Variants in SNAP25 observed in about 807,000 individuals in gnomAD.
The protein encoded by SNAP25 is synaptosomal-associated protein 25.
A neutral mutation model predicts 28.7 loss-of-function variants in SNAP25; 3 were observed. The observed-to-expected ratio is 0.10, with a 90% CI of 0.05 to 0.27. The LOEUF is 0.27. SNAP25 is among the 10% of genes least tolerant of loss of function. The pLI, the probability that SNAP25 is intolerant of heterozygous loss-of-function variation, is 1.00. For synonymous variants in SNAP25, 61 were observed against 88.1 expected (o/e 0.69, Z 1.72); for missense variants, 117 against 278.7 (o/e 0.42, Z 4.13).
chr20:10,274,851 A>T (rs555994022), intron 1 of SNAP25, among the ~76,000 whole-genome samples: 135 of 150,764 alleles, frequency 9.0e-4, no homozygotes, highest in African/African-American at 3.2e-3. Context: ...TCAAAAAAAT[A>T]AAAAAAAGAA....
At chr20:10,269,913 A>G (rs2063563112) in intron 1 of SNAP25, among the ~76,000 whole-genome samples, 1 of 152,214 alleles carries the variant, frequency 6.6e-6, no homozygotes, top group South Asian at 2.1e-4. Context: ...AACTTCCCGA[A>G]AGCCCCTGGT....
At chr20:10,269,982 G>A (rs531809397) in intron 1 of SNAP25, among the ~76,000 whole-genome samples, 93 of 152,288 alleles carry the variant, frequency 6.1e-4, no homozygotes, top group African/African-American at 2.2e-3. Flanking sequence ...AGCCCGGCAC[G>A]GTGGCTTACG....
Position 10,293,017 on chromosome 20 carries a change from G to T in SNAP25, c.164-144G>T. The T allele has an allele frequency of 6.6e-7, 1 of 1,512,314 alleles. No individual in the cohort carries two copies. The allele number at this position is 1,512,314 out of a possible 1,614,324, so 93.7% of individuals were successfully genotyped here. A position where few individuals can be genotyped will look rare whatever the true frequency, so the allele number is the denominator to read the frequency against. On this transcript the variant is annotated intron_variant, in intron 4 of 7. Coordinates refer to ENST00000254976, the MANE Select transcript of SNAP25 (RefSeq NM_130811.4). This position sits in a 1 kb window ranked among gnomAD's most constrained non-coding sequence, Gnocchi z 5.6. Reference sequence around the variant, plus strand: ...TGTAACAAGTAGGTACTGGGTACCAGCTCTAATCTGTGGCGTCCAGTTTTC... The same window carrying T: ...TGTAACAAGTAGGTACTGGGTACCATCTCTAATCTGTGGCGTCCAGTTTTC...
chr20:10,276,600 A>T (rs909621235), intron 2 of SNAP25, among the ~76,000 whole-genome samples: 1 of 152,228 alleles, frequency 6.6e-6, no homozygotes, highest in African/African-American at 2.4e-5. Context: ...CTTCTTACTC[A>T]TTAATATACA....
At chr20:10,237,589 C>T (rs1479882955) in intron 1 of SNAP25, among the ~76,000 whole-genome samples, 1 of 152,204 alleles carries the variant, frequency 6.6e-6, no homozygotes, top group African/African-American at 2.4e-5. Flanking sequence ...TTCATTTATT[C>T]ACTGGGTCCC....
At chr20:10,286,863 G>A (rs979939335) in intron 4 of SNAP25, among the ~76,000 whole-genome samples, 5 of 152,158 alleles carry the variant, frequency 3.3e-5, no homozygotes, top group Admixed American at 3.3e-4. Context: ...AGATACTGCA[G>A]TAGCAATGGA....
chr20:10,291,002 C>A (rs6131071), intron 4 of SNAP25, among the ~76,000 whole-genome samples: 1 of 152,078 alleles, frequency 6.6e-6, no homozygotes, highest in Non-Finnish European at 1.5e-5. Context: ...GAGTGAAATC[C>A]TTAGAAAAGA....
chr20:10,249,838 C>T (rs1224192157), intron 1 of SNAP25, among the ~76,000 whole-genome samples: 1 of 152,174 alleles, frequency 6.6e-6, no homozygotes, highest in African/African-American at 2.4e-5. Flanking sequence ...CCAAGGAGAA[C>T]AGCTAACCCT....
At position 10,307,340 on chromosome 20, in the gene SNAP25, C is replaced by T. The variant is rs1015941788; in HGVS notation, c.*1143C>T. 6.6e-6 allele frequency: 1 copy of T among 152,424 alleles called. No individual in the cohort carries two copies. The highest frequency in any genetic ancestry group is 1.5e-5 in the Non-Finnish European group (1 of 67,986). 9.4% of individuals were successfully genotyped at this position (152,424 alleles called of 1,614,324 possible). On this transcript the variant is annotated 3_prime_UTR_variant, in exon 8 of 8. Transcript: ENST00000254976. ...TCATTATAGCATGTAATATTAAATT[C>T]CTCCTGTCTCCTCTGTCAGTTTGTG... is the stretch of plus-strand genomic sequence containing the variant.
At chr20:10,251,363 A>G (rs1483335765) in intron 1 of SNAP25, among the ~76,000 whole-genome samples, 1 of 152,216 alleles carries the variant, frequency 6.6e-6, no homozygotes. Flanking sequence ...AGAACCACAC[A>G]GGAGTCCAAA....
At chr20:10,223,287 A>T (rs2062667552) in intron 1 of SNAP25, among the ~76,000 whole-genome samples, 1 of 152,160 alleles carries the variant, frequency 6.6e-6, no homozygotes, top group South Asian at 2.1e-4. Flanking sequence ...CCTTGTGGTT[A>T]CTACTCTCAC....
At position 10,286,904 on chromosome 20, in the gene SNAP25, A is replaced by T. The variant is rs528566178; in HGVS notation, c.163+2132A>T. On this transcript the variant is annotated intron_variant, in intron 4 of 7. Transcript: ENST00000254976. ...TAAGAACTCCCCCAATGGGTTTGTT[A>T]TTATTACGTGACTTGTTGGCTGGAT... Among the ~76,000 whole-genome samples, 468 of 152,282 alleles carry T rather than the reference A, an allele frequency of 3.1e-3. 6 individuals carry two copies. The Middle Eastern group carries it at 0.034, about 11-fold the overall frequency.
intron 3 of SNAP25, among the ~76,000 whole-genome samples, chr20:10,282,030 C>T (rs1330514345): frequency 6.6e-6 from 1 of 152,164 alleles, no homozygotes; most frequent in Non-Finnish European, 1.5e-5. Flanking sequence ...TTCTGCCCAC[C>T]TGACCAAATT....
At chr20:10,270,279 C>T (rs2063570771) in intron 1 of SNAP25, among the ~76,000 whole-genome samples, 1 of 151,992 alleles carries the variant, frequency 6.6e-6, no homozygotes, top group African/African-American at 2.4e-5. Flanking sequence ...GAAAAAACTA[C>T]AGGACTCCCA....
rs748921147 is a variant in SNAP25, at chr20:10,293,031, C to T, written c.164-130C>T. ...ACTGGGTACCAGCTCTAATCTGTGGCGTCCAGTTTTCTTTCTTTTTTTTTT... is the reference window on the plus strand; with the variant it reads ...ACTGGGTACCAGCTCTAATCTGTGGTGTCCAGTTTTCTTTCTTTTTTTTTT... On this transcript the variant is annotated intron_variant, in intron 4 of 7. Transcript: ENST00000254976. The surrounding 1 kb of genome is among the most constrained non-coding windows in gnomAD (Gnocchi z 5.6). 23 of 1,451,322 alleles carry T rather than the reference C, an allele frequency of 1.6e-5. No homozygotes were observed. Among genetic ancestry groups the T allele is most frequent in the South Asian group, 2.5e-5 (2 of 79,000 alleles). The allele number at this position is 1,451,322 out of a possible 1,614,324, so 89.9% of individuals were successfully genotyped here. A position where few individuals can be genotyped will look rare whatever the true frequency, so the allele number is the denominator to read the frequency against.
intron 1 of SNAP25, among the ~76,000 whole-genome samples, chr20:10,271,527 C>T (rs1040714892): frequency 6.6e-6 from 1 of 152,188 alleles, no homozygotes; most frequent in Non-Finnish European, 1.5e-5. Context: ...CCTGGGGGAA[C>T]CGTGAAAGTG....
At chr20:10,221,656 A>G (rs1388388250) in intron 1 of SNAP25, among the ~76,000 whole-genome samples, 2 of 152,224 alleles carry the variant, frequency 1.3e-5, no homozygotes, top group Non-Finnish European at 2.9e-5. Context: ...AGAATTCACA[A>G]TTTTATTTTT....
intron 1 of SNAP25, among the ~76,000 whole-genome samples, chr20:10,248,639 G>C (rs1260352682): frequency 6.6e-6 from 1 of 152,192 alleles, no homozygotes; most frequent in African/African-American, 2.4e-5. Flanking sequence ...GGGGCACAGA[G>C]AGGCTAGACA....
chr20:10,230,230 G>A (rs1484127890), intron 1 of SNAP25, among the ~76,000 whole-genome samples: 1 of 152,108 alleles, frequency 6.6e-6, no homozygotes, highest in African/African-American at 2.4e-5. Flanking sequence ...CCATCTCACA[G>A]AATACTTTAG....
Sources: gnomAD v4.1 joint callset for allele counts (sites outside exome capture counted in the v4.1 genomes callset) on GRCh38, gnomAD v4.1.1 for gene constraint, Gnocchi (gnomAD v3.1) non-coding constraint, MANE v1.5 for transcripts, NCBI Gene and HGNC (gene_info 2026-07-23, HGNC 2026-07-21) for gene names.